The following DERPC variants were observed in gnomAD, a reference collection of about 807,000 sequenced individuals.
DERPC encodes decreased expression in renal and prostate cancer protein.
In DERPC, 1 loss-of-function variant was observed where a neutral mutation model predicts 7.2. The observed-to-expected ratio is 0.14, with a 90% CI of 0.05 to 0.66. The LOEUF is 0.66. Ranked by LOEUF, DERPC falls within the 30% of genes least tolerant of loss-of-function variation. The pLI is 0.84. For missense variants in DERPC, 502 were observed against 299.4 expected (o/e 1.68, Z -4.99); for synonymous variants, 185 against 117.6 (o/e 1.57, Z -3.71).
chr16:69,129,327 G>A (rs1286203507), intron 1 of DERPC, among the ~76,000 whole-genome samples: 1 of 151,228 alleles, frequency 6.6e-6, no homozygotes, highest in East Asian at 1.9e-4. Context: ...CTACTCAGGA[G>A]GCTGAGGCAG....
chr16:69,128,078 C>A (rs567991066), intron 1 of DERPC, among the ~76,000 whole-genome samples: 1 of 152,160 alleles, frequency 6.6e-6, no homozygotes, highest in South Asian at 2.1e-4. Context: ...CCGCGCCTTG[C>A]TGATTTTTGT....
intron 1 of DERPC, among the ~76,000 whole-genome samples, chr16:69,123,945 A>C (rs867424036): frequency 1.3e-4 from 19 of 151,058 alleles, no homozygotes; most frequent in African/African-American, 3.9e-4. Flanking sequence ...AAAAAAAAAA[A>C]AACAAAAAAT....
Position 69,118,644 on chromosome 16 carries a change from G to A in DERPC, c.*210C>T, listed in dbSNP as rs1457920771. On this transcript the variant is annotated 3_prime_UTR_variant, in exon 3 of 3. Transcript: ENST00000519520. Reference sequence around the variant, plus strand: ...TGGAGATCCTTTCTCTCAAGGGCAGGATTATTCCCACCTGCCACAGTTCAC... The same window carrying A: ...TGGAGATCCTTTCTCTCAAGGGCAGAATTATTCCCACCTGCCACAGTTCAC... 2 of 697,384 alleles carry A rather than the reference G, an allele frequency of 2.9e-6. No homozygotes were observed. The highest frequency in any genetic ancestry group is 1.8e-5 in the African/African-American group (1 of 56,960). The allele number at this position is 697,384 out of a possible 1,614,324, so 43.2% of individuals were successfully genotyped here.
chr16:69,120,957 A>C lies in DERPC; in HGVS notation c.-221-308T>G, dbSNP rs759002805. On this transcript the variant is annotated intron_variant, in intron 2 of 2. Transcript: ENST00000519520. The surrounding 1 kb of genome is among the most constrained non-coding windows in gnomAD (Gnocchi z 4.0). ...GCAGATTAGCTAGGCCTTGAATAAC[A>C]AACCTGAGGCAGTCCTCACTCTGGG... is the stretch of plus-strand genomic sequence containing the variant. 17 of 1,049,692 alleles carry C rather than the reference A, an allele frequency of 1.6e-5. No homozygotes were observed. The South Asian group carries it at 2.1e-4, about 13-fold the overall frequency. 65.0% of individuals were successfully genotyped at this position (1,049,692 alleles called of 1,614,324 possible). A position where few individuals can be genotyped will look rare whatever the true frequency, so the allele number is the denominator to read the frequency against.
At chr16:69,123,387 G>A (rs1376968872) in intron 1 of DERPC, among the ~76,000 whole-genome samples, 1 of 152,192 alleles carries the variant, frequency 6.6e-6, no homozygotes, top group Non-Finnish European at 1.5e-5. Flanking sequence ...GCCAGGCGCG[G>A]TGTCTCAGGC....
chr16:69,129,448 A>G (rs916203087), intron 1 of DERPC, among the ~76,000 whole-genome samples: 2 of 151,760 alleles, frequency 1.3e-5, no homozygotes, highest in Admixed American at 6.6e-5. Flanking sequence ...AAAAAAAAAA[A>G]AAGGAAGAAA....
intron 1 of DERPC, among the ~76,000 whole-genome samples, chr16:69,127,705 G>A (rs1458038109): frequency 6.7e-6 from 1 of 150,262 alleles, no homozygotes; most frequent in Non-Finnish European, 1.5e-5. Flanking sequence ...TGTCTCCCAG[G>A]TTCAAGTGAT....
At chr16:69,122,570 T>C (rs1961760518) in intron 1 of DERPC, among the ~76,000 whole-genome samples, 1 of 148,214 alleles carries the variant, frequency 6.7e-6, no homozygotes, top group African/African-American at 2.5e-5. Flanking sequence ...GGAGGGAGTC[T>C]CACTGTGTCA....
Position 69,119,816 on chromosome 16 carries a change from G to C in DERPC, c.613C>G (p.Leu205Val), listed in dbSNP as rs1296336381. Residue 205 changes from leucine (L) to valine (V), a missense_variant, in exon 3 of 3, where the codon CTG becomes GTG. By Grantham distance (32) the Leu-to-Val change is conservative. Transcript: ENST00000519520. ...NGPPNPRPVGLGPGPNPNLRS... is the reference protein window; with the variant it reads ...NGPPNPRPVGVGPGPNPNLRS... ...AGATTGGGGTTTGGTCCTGGGCCCA[G>C]GCCAACTGGCCTAGGATTGGGAGGA... The C allele has an allele frequency of 2.9e-6, 2 of 701,086 alleles. No individual in the cohort carries two copies. Among genetic ancestry groups the C allele is most frequent in the African/African-American group, 3.5e-5 (2 of 57,192 alleles). The allele number at this position is 701,086 out of a possible 1,614,324, so 43.4% of individuals were successfully genotyped here.
At chr16:69,128,868 A>G (rs534619256) in intron 1 of DERPC, among the ~76,000 whole-genome samples, 1 of 152,222 alleles carries the variant, frequency 6.6e-6, no homozygotes, top group East Asian at 1.9e-4. Context: ...GTTCGAAATC[A>G]GCTTGACCAA....
At position 69,118,759 on chromosome 16, in the gene DERPC, G is replaced by C; in HGVS notation, c.*95C>G. The C allele has an allele frequency of 1.6e-6, 1 of 639,350 alleles. No individual in the cohort carries two copies. The highest frequency in any genetic ancestry group is 1.8e-5 in the South Asian group (1 of 55,156). 39.6% of individuals were successfully genotyped at this position (639,350 alleles called of 1,614,324 possible). A position where few individuals can be genotyped will look rare whatever the true frequency, so the allele number is the denominator to read the frequency against. On this transcript the variant is annotated 3_prime_UTR_variant, in exon 3 of 3. Coordinates refer to ENST00000519520, the MANE Select transcript of DERPC (RefSeq NM_001002847.4). ...ACTTGAGCCCAAGCTATGTTCTTCAGACTGTAGCTCCACAACTACCCTTTT... is the reference window on the plus strand; with the variant it reads ...ACTTGAGCCCAAGCTATGTTCTTCACACTGTAGCTCCACAACTACCCTTTT...
chr16:69,127,115 G>A (rs1962119521), intron 1 of DERPC, among the ~76,000 whole-genome samples: 1 of 152,022 alleles, frequency 6.6e-6, no homozygotes, highest in South Asian at 2.1e-4. Context: ...GCGGGTGCCT[G>A]TAATCCCAGC....
intron 1 of DERPC, among the ~76,000 whole-genome samples, chr16:69,121,833 A>C (rs893544545): frequency 3.3e-5 from 5 of 151,970 alleles, no homozygotes; most frequent in Non-Finnish European, 7.4e-5. Flanking sequence ...ACGGCCGGCT[A>C]ATTTTTTTTG....
chr16:69,127,632 C>CA (rs1022555349), intron 1 of DERPC, among the ~76,000 whole-genome samples: 5 of 119,294 alleles, frequency 4.2e-5, no homozygotes, highest in Non-Finnish European at 8.1e-5. Context: ...TTTTGTGAGA[C>CA]AGTGTCTCCC....
In DERPC at chr16:69,119,100, C is replaced by T. The variant is rs1373118804; in HGVS notation, c.1329G>A (p.Arg443=). Residue 443 remains arginine (R), a synonymous_variant, in exon 3 of 3, where the codon AGG becomes AGA. Transcript: ENST00000519520. The part of the protein sequence containing the change: ...PLGPGQVTFP[R]PAAGHLGPSP... The stretch of plus-strand genomic sequence containing the variant: ...AAGGGCCCAGATGCCCGGCAGCTGG[C>T]CTGGGGAAAGTAACTTGACCAGGGC... 1.4e-6 allele frequency: 1 copy of T among 703,028 alleles called. No homozygotes were observed. The highest frequency in any genetic ancestry group is 2.6e-6 in the Non-Finnish European group (1 of 385,022). 43.5% of individuals were successfully genotyped at this position (703,028 alleles called of 1,614,324 possible). A position where few individuals can be genotyped will look rare whatever the true frequency, so the allele number is the denominator to read the frequency against.
Position 69,120,286 on chromosome 16 carries a change from G to A in DERPC, c.143C>T (p.Ser48Leu), listed in dbSNP as rs772827823. 3.2e-5 allele frequency: 25 copies of A among 791,466 alleles called. No individual in the cohort carries two copies. The highest frequency in any genetic ancestry group is 1.6e-4 in the Admixed American group (8 of 50,458). 49.0% of individuals were successfully genotyped at this position (791,466 alleles called of 1,614,324 possible). ...ACCGGCCGCCATAAGGAAGGGATCC[G>A]AGTTCACACCCAGTGGGTGGCCTGT... ...LNTGHPLGVN[S>L]DPFLMAAGSL... is the part of the protein sequence containing the mutation. Residue 48 changes from serine (S) to leucine (L), a missense_variant, in exon 3 of 3, where the codon TCG becomes TTG. Coordinates refer to ENST00000519520, the MANE Select transcript of DERPC (RefSeq NM_001002847.4). The surrounding 1 kb of genome is among the most constrained non-coding windows in gnomAD (Gnocchi z 4.0).
At chr16:69,128,040 G>C (rs967129639) in intron 1 of DERPC, among the ~76,000 whole-genome samples, 1 of 151,932 alleles carries the variant, frequency 6.6e-6, no homozygotes, top group Non-Finnish European at 1.5e-5. Context: ...TCAGCCTCCC[G>C]AGTAACTGGA....
rs761255065 is a variant in DERPC, at chr16:69,120,671, AT to A, written c.-221-23del. ...TTCCCTTTGGCAGAACAAGAACGAG[AT>A]TCCTGAGGTTCCGGGGCAAGGCCAT... On this transcript the variant is annotated intron_variant, in intron 2 of 2. Coordinates refer to ENST00000519520, the MANE Select transcript of DERPC (RefSeq NM_001002847.4). This position sits in a 1 kb window ranked among gnomAD's most constrained non-coding sequence, Gnocchi z 4.0. 6.3e-7 allele frequency: 1 copy of A among 1,595,628 alleles called. No homozygotes were observed.
At chr16:69,125,179 C>G (rs1014787913) in intron 1 of DERPC, among the ~76,000 whole-genome samples, 1 of 152,174 alleles carries the variant, frequency 6.6e-6, no homozygotes, top group Non-Finnish European at 1.5e-5. Flanking sequence ...ACTGAGATTA[C>G]AGGCTTGAGT....
Sources: allele counts gnomAD v4.1 joint callset (sites outside exome capture counted in the v4.1 genomes callset), GRCh38; gene constraint gnomAD v4.1.1; non-coding constraint Gnocchi (gnomAD v3.1); transcripts MANE v1.5; gene names NCBI Gene and HGNC (gene_info 2026-07-23, HGNC 2026-07-21).